CD99L2: variants seen among roughly 807,000 people sequenced by gnomAD.
CD99L2 encodes CD99 antigen-like protein 2.
Under a neutral mutation model 27.3 loss-of-function variants are expected in CD99L2, and 24 were observed. The observed-to-expected ratio is 0.88, with a 90% CI of 0.64 to 1.24. CD99L2 has a LOEUF of 1.24. Among genes scored for constraint, CD99L2 ranks in the 50% most tolerant of loss-of-function variants. CD99L2 has a pLI of 0.00. For synonymous variants in CD99L2, 97 were observed against 87.9 expected (o/e 1.10, Z -0.58); for missense variants, 255 against 221.6 (o/e 1.15, Z -0.96).
chrX:150,835,202 ATGTAT>A (rs1235802696), intron 1 of CD99L2, among the ~76,000 whole-genome samples: 1 of 112,112 alleles, frequency 8.9e-6, no homozygotes, highest in Admixed American at 9.5e-5. Context: ...ATTAATAATA[ATGTAT>A]TGTATATTTT....
At chrX:150,774,085 G>C (rs2043508767) in intron 9 of CD99L2, among the ~76,000 whole-genome samples, 1 of 111,744 alleles carries the variant, frequency 8.9e-6, no homozygotes, top group Non-Finnish European at 1.9e-5. Context: ...GACCTCCCCT[G>C]CCACTGTGGC....
chrX:150,829,900 T>A (rs1354190993), intron 2 of CD99L2, among the ~76,000 whole-genome samples: 3 of 111,453 alleles, frequency 2.7e-5, no homozygotes, highest in Non-Finnish European at 5.7e-5. Flanking sequence ...CTCACACCTG[T>A]AATCCCAGCA....
At chrX:150,788,921 T>C (rs2045640741) in intron 7 of CD99L2, among the ~76,000 whole-genome samples, 1 of 111,963 alleles carries the variant, frequency 8.9e-6, no homozygotes, top group South Asian at 3.7e-4. Flanking sequence ...CAGCAATTGA[T>C]ATTATCAGCT....
At chrX:150,830,735 T>C (rs2046430485) in intron 2 of CD99L2, among the ~76,000 whole-genome samples, 1 of 111,945 alleles carries the variant, frequency 8.9e-6, no homozygotes, top group African/African-American at 3.2e-5. Context: ...TTATCACACA[T>C]TGTTAGGTAT....
intron 1 of CD99L2, among the ~76,000 whole-genome samples, chrX:150,890,082 G>C (rs1384999717): frequency 2.7e-5 from 3 of 110,129 alleles, no homozygotes; most frequent in Non-Finnish European, 5.7e-5. Context: ...GAACCCGGGA[G>C]GCGGAGTTTG....
intron 4 of CD99L2, among the ~76,000 whole-genome samples, chrX:150,802,224 G>T (rs1369110756): frequency 9.0e-6 from 1 of 111,608 alleles, no homozygotes; most frequent in African/African-American, 3.3e-5. Context: ...ACATATCATA[G>T]CAGTGAACAT....
intron 1 of CD99L2, among the ~76,000 whole-genome samples, chrX:150,833,638 C>A (rs2046479243): frequency 9.0e-6 from 1 of 111,605 alleles, no homozygotes; most frequent in African/African-American, 3.3e-5. Flanking sequence ...ATAGAAAGCA[C>A]CAAAATAAAC....
chrX:150,816,651 G>A (rs782358058), intron 2 of CD99L2, among the ~76,000 whole-genome samples: 152 of 110,543 alleles, frequency 1.4e-3, no homozygotes, highest in African/African-American at 4.6e-3. Flanking sequence ...ATTCCTCAGG[G>A]ATCTAGAACT....
intron 2 of CD99L2, among the ~76,000 whole-genome samples, chrX:150,817,713 T>C (rs1436437651): frequency 5.4e-5 from 6 of 111,397 alleles, no homozygotes; most frequent in African/African-American, 2.0e-4. Flanking sequence ...TGAGGTCAGG[T>C]GTAGTGTCAT....
rs1401366371 is a variant in CD99L2, at chrX:150,898,660, G to A, written c.-72C>T. On this transcript the variant is annotated 5_prime_UTR_variant, in exon 1 of 11. Coordinates refer to ENST00000370377, the MANE Select transcript of CD99L2 (RefSeq NM_031462.4). ...AGCGCCCGAAGGGGAGGCCGAGGAG[G>A]AGCGGGAGGAGGAGCCCCGCCGCCT... 1 of 955,081 alleles carries A rather than the reference G, an allele frequency of 1.0e-6. No individual in the cohort carries two copies. The highest frequency in any genetic ancestry group is 4.0e-4 in the Middle Eastern group (1 of 2,496). 78.7% of individuals were successfully genotyped at this position (955,081 alleles called of 1,213,427 possible). A position where few individuals can be genotyped will look rare whatever the true frequency, so the allele number is the denominator to read the frequency against.
Position 150,768,855 on chromosome X carries a change from C to G in CD99L2, c.*179G>C, listed in dbSNP as rs1035266448. ...AATTTCGGCACCAAGTCTCAGCACGCTTGGGGCAGGGCAGAGAAACCAAAC... is the reference window on the plus strand; with the variant it reads ...AATTTCGGCACCAAGTCTCAGCACGGTTGGGGCAGGGCAGAGAAACCAAAC... On this transcript the variant is annotated 3_prime_UTR_variant, in exon 11 of 11. Transcript: ENST00000370377. 98 of 983,026 alleles carry G rather than the reference C, an allele frequency of 1.0e-4. No homozygotes were observed. The highest frequency in any genetic ancestry group is 1.3e-4 in the Non-Finnish European group (98 of 780,847). 81.0% of individuals were successfully genotyped at this position (983,026 alleles called of 1,213,427 possible). A position where few individuals can be genotyped will look rare whatever the true frequency, so the allele number is the denominator to read the frequency against.
chrX:150,771,785 G>C, intron 9 of CD99L2: 1 of 1,154,958 alleles, frequency 8.7e-7, no homozygotes, highest in Non-Finnish European at 1.1e-6. Context: ...AGGAAAGTGA[G>C]GAAGGCAAAG....
chrX:150,866,279 G>A (rs1250485470), intron 1 of CD99L2, among the ~76,000 whole-genome samples: 7 of 110,944 alleles, frequency 6.3e-5, no homozygotes, highest in African/African-American at 2.0e-4. Context: ...TGGGATCCTG[G>A]AACAACAACA....
At chrX:150,877,121 TA>T (rs782764443) in intron 1 of CD99L2, among the ~76,000 whole-genome samples, 87 of 64,023 alleles carry the variant, frequency 1.4e-3, no homozygotes, top group Middle Eastern at 9.1e-3. Context: ...TGTCTCTTAA[TA>T]AAAAAAAAAA....
chrX:150,864,933 G>A (rs1167131771), intron 1 of CD99L2, among the ~76,000 whole-genome samples: 5 of 110,172 alleles, frequency 4.5e-5, no homozygotes, highest in African/African-American at 1.7e-4. Context: ...GGATGTGGTG[G>A]TGCACACCTG....
At chrX:150,846,751 G>C (rs1005407396) in intron 1 of CD99L2, among the ~76,000 whole-genome samples, 1 of 111,617 alleles carries the variant, frequency 9.0e-6, no homozygotes, top group Non-Finnish European at 1.9e-5. Flanking sequence ...TGCTTGATAA[G>C]CCTTTAGATT....
intron 1 of CD99L2, among the ~76,000 whole-genome samples, chrX:150,859,499 CTTTTTTTT>C (rs111395631): frequency 0.06 from 5,767 of 96,815 alleles, 170 homozygotes; most frequent in African/African-American, 0.11. Flanking sequence ...AACTCTGTCT[CTTTTTTTT>C]TTTTTTTGAG....
At chrX:150,791,730 G>A (rs1332259036) in intron 7 of CD99L2, among the ~76,000 whole-genome samples, 1 of 111,048 alleles carries the variant, frequency 9.0e-6, no homozygotes, top group Admixed American at 9.5e-5. Flanking sequence ...GGGCAGGAAG[G>A]AAATAAGGGC....
chrX:150,781,172 C>T lies in CD99L2; in HGVS notation c.497-3690G>A, dbSNP rs1209636463. Among the ~76,000 whole-genome samples, 3 of 111,474 alleles carry T rather than the reference C, an allele frequency of 2.7e-5. No homozygotes were observed. In the Admixed American group the frequency reaches 2.9e-4, roughly 11 times the overall value. On this transcript the variant is annotated intron_variant, in intron 7 of 10. Transcript: ENST00000370377. The stretch of plus-strand genomic sequence containing the variant: ...TCATAATATAATGTAACCACTGACA[C>T]GGTATTTTAGAAGACCCTTTAATGA...
Sources: gnomAD v4.1 joint callset for allele counts (sites outside exome capture counted in the v4.1 genomes callset) on GRCh38, gnomAD v4.1.1 for gene constraint, MANE v1.5 for transcripts, NCBI Gene and HGNC (gene_info 2026-07-23, HGNC 2026-07-21) for gene names.